LIN28B: variants seen among roughly 807,000 people sequenced by gnomAD.
The protein encoded by LIN28B is protein lin-28 homolog B.
LIN28B carries 5 observed loss-of-function variants against 21.9 expected under a neutral mutation model. That is an observed-to-expected ratio of 0.23 (90% CI 0.12 to 0.48). LIN28B has a LOEUF of 0.48. Among genes scored for constraint, LIN28B ranks in the 20% least tolerant of loss-of-function variants. LIN28B has a pLI of 0.98. For synonymous variants in LIN28B, 109 were observed against 111.3 expected, an observed-to-expected ratio of 0.98 and a Z score of 0.13; for missense variants, 245 against 310.5, an observed-to-expected ratio of 0.79 and a Z score of 1.58.
At chr6:105,068,866 T>C (rs1470769530) in intron 3 of LIN28B, among the ~76,000 whole-genome samples, 1 of 152,218 alleles carries the variant, frequency 6.6e-6, no homozygotes, top group African/African-American at 2.4e-5. Flanking sequence ...TAATCATTTT[T>C]ATAAAAAGCA....
intron 3 of LIN28B, among the ~76,000 whole-genome samples, chr6:105,075,431 A>T (rs185971910): frequency 5.9e-5 from 9 of 152,158 alleles, no homozygotes; most frequent in African/African-American, 2.2e-4. Context: ...ATGGAGAGTG[A>T]TCTGTACTCT....
intron 2 of LIN28B, among the ~76,000 whole-genome samples, chr6:104,980,583 C>G (rs984649992): frequency 6.6e-6 from 1 of 152,012 alleles, no homozygotes; most frequent in Non-Finnish European, 1.5e-5. Context: ...CAGGGTCTGT[C>G]GTGTGTTACA....
At chr6:104,987,019 A>G (rs1190642) in intron 2 of LIN28B, among the ~76,000 whole-genome samples, 13 of 152,280 alleles carry the variant, frequency 8.5e-5, no homozygotes, top group East Asian at 7.7e-4. Context: ...CTGAACTGCA[A>G]TTCTTTCTTC....
intron 1 of LIN28B, among the ~76,000 whole-genome samples, 170 bp downstream of exon 1, chr6:104,957,430 A>G (rs551181183): frequency 1.4e-5 from 2 of 140,588 alleles, no homozygotes; most frequent in African/African-American, 5.3e-5. Flanking sequence ...ACCTATTGTT[A>G]TAGATCTCCA....
chr6:105,006,847 C>G (rs1489520676), intron 2 of LIN28B, among the ~76,000 whole-genome samples: 5 of 152,094 alleles, frequency 3.3e-5, no homozygotes, highest in African/African-American at 1.2e-4. Flanking sequence ...CCAAAAGTAC[C>G]TAAGCTATTT....
chr6:105,023,628 T>TAAAATATATAATATATA (rs1771219539), intron 2 of LIN28B, among the ~76,000 whole-genome samples: 1 of 46,592 alleles, frequency 2.1e-5, no homozygotes, highest in African/African-American at 8.3e-5. Flanking sequence ...TATTATATAT[T>TAAAATATATAATATATA]TTATATATAT....
chr6:105,061,394 C>T (rs1772118673), intron 3 of LIN28B, among the ~76,000 whole-genome samples: 1 of 151,962 alleles, frequency 6.6e-6, no homozygotes, highest in African/African-American at 2.4e-5. Flanking sequence ...AATTATAGAG[C>T]ATTCATAAGA....
intron 2 of LIN28B, among the ~76,000 whole-genome samples, chr6:104,986,900 C>T (rs1034898285): frequency 3.3e-5 from 5 of 152,224 alleles, no homozygotes; most frequent in Admixed American, 2.6e-4. Context: ...GCTCCCCACA[C>T]ACTTACTAGG....
intron 3 of LIN28B, among the ~76,000 whole-genome samples, chr6:105,073,433 A>G (rs1344780235): frequency 6.6e-6 from 1 of 151,966 alleles, no homozygotes; most frequent in East Asian, 1.9e-4. Context: ...AATTTTTATG[A>G]AATTCCTTTT....
At chr6:104,981,452 C>A (rs1770223418) in intron 2 of LIN28B, among the ~76,000 whole-genome samples, 1 of 152,196 alleles carries the variant, frequency 6.6e-6, no homozygotes, top group South Asian at 2.1e-4. Context: ...CACTCATTTA[C>A]CCATGGCTGC....
At chr6:104,986,869 C>T (rs2114260144) in intron 2 of LIN28B, among the ~76,000 whole-genome samples, 1 of 152,342 alleles carries the variant, frequency 6.6e-6, no homozygotes, top group Admixed American at 6.5e-5. Context: ...TCATTTACAA[C>T]TCACCAATCC....
chr6:105,021,753 C>T (rs947968522), intron 2 of LIN28B, among the ~76,000 whole-genome samples: 1 of 152,096 alleles, frequency 6.6e-6, no homozygotes, highest in Non-Finnish European at 1.5e-5. Flanking sequence ...CAAATATTTT[C>T]TCCCATTCCG....
At chr6:105,043,506 T>C (rs962248461) in intron 3 of LIN28B, among the ~76,000 whole-genome samples, 10 of 151,680 alleles carry the variant, frequency 6.6e-5, no homozygotes, top group Non-Finnish European at 1.5e-4. Context: ...CTTTTCCTCC[T>C]TTTATTTTTA....
At chr6:105,060,801 G>A (rs1772110502) in intron 3 of LIN28B, among the ~76,000 whole-genome samples, 1 of 152,196 alleles carries the variant, frequency 6.6e-6, no homozygotes, top group Non-Finnish European at 1.5e-5. Flanking sequence ...TTGGAAACTA[G>A]GGTTGGGTCA....
At chr6:105,030,332 C>T (rs1771393547) in intron 3 of LIN28B, among the ~76,000 whole-genome samples, 3 of 152,100 alleles carry the variant, frequency 2.0e-5, no homozygotes, top group Admixed American at 2.0e-4. Flanking sequence ...ATTTGCTCCC[C>T]AAATGTTTAA....
upstream of LIN28B, among the ~76,000 whole-genome samples, chr6:104,953,520 G>A (rs1266958706): frequency 6.6e-6 from 1 of 152,158 alleles, no homozygotes; most frequent in African/African-American, 2.4e-5. Context: ...GGTGTTCTTG[G>A]GGACAAGATG....
intron 3 of LIN28B, among the ~76,000 whole-genome samples, chr6:105,076,334 T>C (rs768452981): frequency 9.2e-5 from 14 of 152,188 alleles, no homozygotes; most frequent in Non-Finnish European, 1.8e-4. Flanking sequence ...TATTCTAAAG[T>C]ATATAAGGTA....
intron 2 of LIN28B, among the ~76,000 whole-genome samples, chr6:104,945,392 T>C (rs551811153): frequency 2.6e-5 from 4 of 152,216 alleles, no homozygotes; most frequent in East Asian, 1.9e-4. Flanking sequence ...CTGGTGATGA[T>C]ATAAATTTTG....
At chr6:105,003,881 A>G (rs1183497022) in intron 2 of LIN28B, among the ~76,000 whole-genome samples, 1 of 152,208 alleles carries the variant, frequency 6.6e-6, no homozygotes, top group African/African-American at 2.4e-5. Flanking sequence ...CAAGGCTGAT[A>G]TATTTGTCAG....
Sources: gnomAD v4.1 joint callset for allele counts (sites outside exome capture counted in the v4.1 genomes callset) on GRCh38, gnomAD v4.1.1 for gene constraint, MANE v1.5 for transcripts, NCBI Gene and HGNC (gene_info 2026-07-23, HGNC 2026-07-21) for gene names.